Variants in B4GALT2 observed in about 807,000 individuals in gnomAD.
B4GALT2 encodes N-acetyllactosamine synthase.
B4GALT2 carries 18 observed loss-of-function variants against 33.2 expected under a neutral mutation model. The ratio of observed to expected loss-of-function variants is 0.54; its 90% CI spans 0.38 to 0.80. The LOEUF (loss-of-function observed/expected upper bound fraction) is 0.80, where lower values mean the gene tolerates loss of function less well. Among genes scored for constraint, B4GALT2 ranks in the 30% least tolerant of loss-of-function variants. B4GALT2 has a pLI of 0.00. For missense variants in B4GALT2, 404 were observed against 526.2 expected (o/e 0.77, Z 2.27); for synonymous variants, 214 against 217.6 (o/e 0.98, Z 0.15).
At position 43,979,682 on chromosome 1, in the gene B4GALT2, C is replaced by G. The variant is rs954797227; in HGVS notation, c.-53+171C>G. On this transcript the variant is annotated intron_variant, in intron 1 of 6. Transcript: ENST00000372324. This position sits in a 1 kb window ranked among gnomAD's most constrained non-coding sequence, Gnocchi z 4.8. ...CCCACCCCGCCCCCACTCCGGCGCC[C>G]CTCCTGGGCTTCTCCGCCCGCGTCC... 2 of 237,774 alleles carry G rather than the reference C, an allele frequency of 8.4e-6. No homozygotes were observed. Among genetic ancestry groups the G allele is most frequent in the South Asian group, 9.9e-5 (1 of 10,074 alleles). The allele number at this position is 237,774 out of a possible 1,614,324, so 14.7% of individuals were successfully genotyped here.
intron 6 of B4GALT2, among the ~76,000 whole-genome samples, chr1:43,989,736 A>G (rs1032011775): frequency 3.9e-5 from 6 of 152,212 alleles, no homozygotes; most frequent in South Asian, 4.1e-4. Flanking sequence ...ATCAGGAGAA[A>G]GTTACTGAGA....
intron 6 of B4GALT2, chr1:43,985,927 T>G: frequency 2.3e-6 from 1 of 439,458 alleles, no homozygotes; most frequent in Non-Finnish European, 4.2e-6. Context: ...TTGAGTAGAT[T>G]GCATTCCTAT....
In B4GALT2 at chr1:43,984,573, C is replaced by A. The variant is rs1237893730; in HGVS notation, c.550-292C>A. 6.6e-6 allele frequency among the ~76,000 whole-genome samples: 1 copy of A among 152,224 alleles called. No individual in the cohort carries two copies. Among genetic ancestry groups the A allele is most frequent in the Non-Finnish European group, 1.5e-5 (1 of 68,040 alleles). On this transcript the variant is annotated intron_variant, in intron 3 of 6. Transcript: ENST00000372324. The surrounding 1 kb of genome is among the most constrained non-coding windows in gnomAD (Gnocchi z 5.6). ...GTGTGACAAGCACAGGTACTGCTAA[C>A]CCCAAGGCCTGGAGGCAAGGAAGAG...
Position 43,981,715 on chromosome 1 carries a change from T to G in B4GALT2, c.340T>G (p.Ser114Ala). The change falls in exon 3 of 7, where the codon TCA becomes GCA. Residue 114 changes from serine to alanine, a missense_variant. Coordinates refer to ENST00000372324, the MANE Select transcript of B4GALT2 (RefSeq NM_003780.5). This position sits in a 1 kb window ranked among gnomAD's most constrained non-coding sequence, Gnocchi z 8.1. ...GGGCAGACTGCTGATCGAGTTCACC[T>G]CACCCATGCCCCTGGAGCGGGTGCA... ...LVGRLLIEFT[S>A]PMPLERVQRE... The G allele has an allele frequency of 6.2e-7, 1 of 1,612,180 alleles. No individual in the cohort carries two copies. The highest frequency in any genetic ancestry group is 8.5e-7 in the Non-Finnish European group (1 of 1,179,300).
chr1:43,982,072 G>C lies in B4GALT2; in HGVS notation c.549+148G>C. ...GTGTGCACAGGAATGTGTACGCACA[G>C]TGTGTGCATGTGAATGTTGGCATGC... On this transcript the variant is annotated intron_variant, in intron 3 of 6. Coordinates refer to ENST00000372324, the MANE Select transcript of B4GALT2 (RefSeq NM_003780.5). The surrounding 1 kb of genome is among the most constrained non-coding windows in gnomAD (Gnocchi z 4.3). 3.9e-6 allele frequency: 3 copies of C among 768,380 alleles called. No individual in the cohort carries two copies. Among genetic ancestry groups the C allele is most frequent in the Non-Finnish European group, 6.3e-6 (3 of 479,474 alleles). 47.6% of individuals were successfully genotyped at this position (768,380 alleles called of 1,614,324 possible). A position where few individuals can be genotyped will look rare whatever the true frequency, so the allele number is the denominator to read the frequency against.
At position 43,984,094 on chromosome 1, in the gene B4GALT2, GC is replaced by G. The variant is rs890973219; in HGVS notation, c.550-769del. The stretch of plus-strand genomic sequence containing the variant: ...TCCTAGTCCAGAGTCTGGTGCTTAG[GC>G]CTACATGGCCAGGACCCCTGCAGCC... On this transcript the variant is annotated intron_variant, in intron 3 of 6. Transcript: ENST00000372324. This position sits in a 1 kb window ranked among gnomAD's most constrained non-coding sequence, Gnocchi z 5.6. 3.9e-5 allele frequency among the ~76,000 whole-genome samples: 6 copies of G among 152,322 alleles called. No individual in the cohort carries two copies. The highest frequency in any genetic ancestry group is 2.6e-4 in the Admixed American group (4 of 15,304).
rs1442668874 is a variant in B4GALT2, at chr1:43,981,235, C to T, written c.75C>T (p.Leu25=). 10 of 1,605,922 alleles carry T rather than the reference C, an allele frequency of 6.2e-6. No homozygotes were observed. Among genetic ancestry groups the T allele is most frequent in the East Asian group, 4.5e-5 (2 of 44,876 alleles). The change falls in exon 2 of 7, where the codon CTC becomes CTT. Residue 25 remains leucine, a synonymous_variant. Coordinates refer to ENST00000372324, the MANE Select transcript of B4GALT2 (RefSeq NM_003780.5). The surrounding 1 kb of genome is among the most constrained non-coding windows in gnomAD (Gnocchi z 8.1). The part of the protein sequence containing the change: ...AVLLLCLLHF[L]VAVILYFDVY... The stretch of plus-strand genomic sequence containing the variant: ...TCCTTCTCTGCCTGCTGCACTTCCT[C>T]GTGGCCGTCATCCTCTACTTTGACG...
chr1:43,985,962 T>G (rs569067728), intron 6 of B4GALT2: 150 of 342,190 alleles, frequency 4.4e-4, no homozygotes, highest in African/African-American at 2.9e-3. Context: ...ACCTCACTTG[T>G]GCACCTGTGG....
At chr1:43,980,212 T>C (rs1187091217) in intron 1 of B4GALT2, 5 of 758,036 alleles carry the variant, frequency 6.6e-6, no homozygotes, top group African/African-American at 1.9e-5. Context: ...TGGCTGCCGC[T>C]CTCTTGGAAC....
chr1:43,989,541 C>T (rs894947575), intron 6 of B4GALT2, among the ~76,000 whole-genome samples: 16 of 152,238 alleles, frequency 1.1e-4, no homozygotes, highest in Non-Finnish European at 1.6e-4. Context: ...TGAATATTTA[C>T]GGAGGGGGTC....
intron 4 of B4GALT2, 49 bp from the exon 5 acceptor site, chr1:43,985,229 C>T (rs373832530): frequency 6.3e-7 from 1 of 1,583,866 alleles, no homozygotes; most frequent in Non-Finnish European, 8.6e-7. Context: ...GGTCCTTCCC[C>T]TGGAGTCCCC....
Position 43,982,411 on chromosome 1 carries a change from C to T in B4GALT2, c.549+487C>T, listed in dbSNP as rs995919760. On this transcript the variant is annotated intron_variant, in intron 3 of 6. Coordinates refer to ENST00000372324, the MANE Select transcript of B4GALT2 (RefSeq NM_003780.5). This position sits in a 1 kb window ranked among gnomAD's most constrained non-coding sequence, Gnocchi z 4.3. ...CCCCGCCCCCGCCGACCACAGAGACCTCCTAGACTTGGACATGGGTCCCTC... is the reference window on the plus strand; with the variant it reads ...CCCCGCCCCCGCCGACCACAGAGACTTCCTAGACTTGGACATGGGTCCCTC... 6.6e-6 allele frequency among the ~76,000 whole-genome samples: 1 copy of T among 152,154 alleles called. No homozygotes were observed. Among genetic ancestry groups the T allele is most frequent in the African/African-American group, 2.4e-5 (1 of 41,442 alleles).
rs376404062 is a variant in B4GALT2 at position 43,985,567 on chromosome 1, G to A, written c.914G>A (p.Arg305His). The change falls in exon 6 of 7, where the codon CGC becomes CAC. Residue 305 changes from arginine to histidine, a missense_variant. By Grantham distance (29) the Arg-to-His change is conservative. Transcript: ENST00000372324. ...KISRPDIRIG[R>H]YRMIKHDRDK... ...TCACGCCCAGACATCCGAATCGGCCGCTACCGCATGATCAAGCACGACCGC... is the reference window on the plus strand; with the variant it reads ...TCACGCCCAGACATCCGAATCGGCCACTACCGCATGATCAAGCACGACCGC... 9.9e-5 allele frequency: 159 copies of A among 1,613,582 alleles called. No homozygotes were observed. The highest frequency in any genetic ancestry group is 1.2e-4 in the Non-Finnish European group (145 of 1,179,972).
rs988887447 is a variant in B4GALT2, at chr1:43,990,913, T to C, written c.*465T>C. ...GCTCCCAGGGGAGGGGAAACCTTTT[T>C]CATTCAACATTGTAGGGGGCAAGCT... On this transcript the variant is annotated 3_prime_UTR_variant, in exon 7 of 7. Transcript: ENST00000372324. The C allele has an allele frequency of 5.8e-6, 1 of 171,156 alleles. No individual in the cohort carries two copies. The highest frequency in any genetic ancestry group is 1.3e-5 in the Non-Finnish European group (1 of 77,880). The allele number at this position is 171,156 out of a possible 1,614,324, so 10.6% of individuals were successfully genotyped here.
At chr1:43,980,438 A>G (rs2085581710) in intron 1 of B4GALT2, 1 of 611,572 alleles carries the variant, frequency 1.6e-6, no homozygotes, top group Non-Finnish European at 2.1e-6. Flanking sequence ...TCCAGTGGGA[A>G]GGGATTCTGT....
In B4GALT2 at chr1:43,981,072, T is replaced by C; in HGVS notation, c.-52-37T>C. 6.6e-7 allele frequency: 1 copy of C among 1,513,318 alleles called. No individual in the cohort carries two copies. The highest frequency in any genetic ancestry group is 8.8e-7 in the Non-Finnish European group (1 of 1,132,830). The allele number at this position is 1,513,318 out of a possible 1,614,324, so 93.7% of individuals were successfully genotyped here. On this transcript the variant is annotated intron_variant, in intron 1 of 6. Transcript: ENST00000372324. This position sits in a 1 kb window ranked among gnomAD's most constrained non-coding sequence, Gnocchi z 8.1. ...GTGGGCAGCCTTGCCTGTCCTGCCC[T>C]GACCTGCTGGATCTGTTTCCCTCCC... is the stretch of plus-strand genomic sequence containing the variant.
intron 6 of B4GALT2, among the ~76,000 whole-genome samples, chr1:43,989,774 A>G (rs1388634217): frequency 1.3e-5 from 2 of 152,214 alleles, no homozygotes; most frequent in Non-Finnish European, 2.9e-5. Context: ...CAAAGCTATA[A>G]TTATGGCTTG....
In B4GALT2 at chr1:43,982,540, C is replaced by T. The variant is rs1406788895; in HGVS notation, c.549+616C>T. 1.3e-5 allele frequency among the ~76,000 whole-genome samples: 2 copies of T among 152,198 alleles called. No individual in the cohort carries two copies. The highest frequency in any genetic ancestry group is 1.9e-4 in the East Asian group (1 of 5,170). ...GAAGCAGTTGCTGAGATGGGTCTTG[C>T]GGGATGAGCAGGCATCAGGGGCTGC... On this transcript the variant is annotated intron_variant, in intron 3 of 6. Coordinates refer to ENST00000372324, the MANE Select transcript of B4GALT2 (RefSeq NM_003780.5). The surrounding 1 kb of genome is among the most constrained non-coding windows in gnomAD (Gnocchi z 4.3).
At chr1:43,985,647 C>T in intron 6 of B4GALT2, 26 bp downstream of exon 6, 1 of 1,607,870 alleles carries the variant, frequency 6.2e-7, no homozygotes, top group Non-Finnish European at 8.5e-7. Context: ...TCACCCCTTA[C>T]TCCCCAGAGG....
Sources: gnomAD v4.1 joint callset for allele counts (sites outside exome capture counted in the v4.1 genomes callset) on GRCh38, gnomAD v4.1.1 for gene constraint, Gnocchi (gnomAD v3.1) non-coding constraint, MANE v1.5 for transcripts, NCBI Gene and HGNC (gene_info 2026-07-23, HGNC 2026-07-21) for gene names.